Variants in FAM168A observed in about 807,000 individuals in gnomAD.
FAM168A encodes family with sequence similarity 168 member A, also known as protein FAM168A.
In FAM168A, 3 loss-of-function variants were observed where a neutral mutation model predicts 28.5. The ratio of observed to expected loss-of-function variants is 0.11; its 90% confidence interval spans 0.05 to 0.27. The LOEUF (loss-of-function observed/expected upper bound fraction) is 0.27, where lower values mean the gene tolerates loss of function less well. FAM168A is among the 10% of genes least tolerant of loss of function. The pLI, the probability that FAM168A is intolerant of heterozygous loss-of-function variation, is 1.00. For synonymous variants in FAM168A, 122 were observed against 124.2 expected (o/e 0.98, Z 0.12); for missense variants, 222 against 311.5 (o/e 0.71, Z 2.16).
intron 1 of FAM168A, among the ~76,000 whole-genome samples, chr11:73,544,972 TATATA>T (rs1400982824): frequency 9.1e-4 from 80 of 88,054 alleles, no homozygotes; most frequent in South Asian, 2.9e-3. Context: ...TAATATATAT[TATATA>T]ATATATTTTA....
chr11:73,537,063 T>TG (rs1943591731), intron 1 of FAM168A, among the ~76,000 whole-genome samples: 1 of 152,142 alleles, frequency 6.6e-6, no homozygotes, highest in African/African-American at 2.4e-5. Context: ...ACACAAAACA[T>TG]GGTGCTTGAG....
intron 1 of FAM168A, among the ~76,000 whole-genome samples, chr11:73,470,862 T>C (rs888639016): frequency 6.6e-6 from 1 of 152,246 alleles, no homozygotes; most frequent in African/African-American, 2.4e-5. Context: ...ACACTCTGTG[T>C]TGCTGATTGG....
At chr11:73,454,230 G>T (rs1867485905) in intron 2 of FAM168A, among the ~76,000 whole-genome samples, 1 of 152,170 alleles carries the variant, frequency 6.6e-6, no homozygotes, top group African/African-American at 2.4e-5. Context: ...CTAAGGGAAG[G>T]AGTCAGCCAG....
At chr11:73,464,901 C>CAT in intron 2 of FAM168A, among the ~76,000 whole-genome samples, 1 of 151,440 alleles carries the variant, frequency 6.6e-6, no homozygotes, top group Admixed American at 6.6e-5. Context: ...GATTGAGGCC[C>CAT]AGAAAGCTTG....
At chr11:73,512,117 CCTATGCTAGGTA>C (rs1394428479) in intron 1 of FAM168A, among the ~76,000 whole-genome samples, 2 of 152,096 alleles carry the variant, frequency 1.3e-5, no homozygotes, top group East Asian at 3.9e-4. Context: ...TGTGTCCAGT[CCTATGCTAGGTA>C]CTATATAAGG....
intron 1 of FAM168A, among the ~76,000 whole-genome samples, chr11:73,555,110 A>G (rs1013094853): frequency 6.6e-6 from 1 of 152,202 alleles, no homozygotes; most frequent in Non-Finnish European, 1.5e-5. Flanking sequence ...GAGCCTAGAG[A>G]ATAGAAACAG....
In FAM168A at chr11:73,430,762, T is replaced by C. The variant is rs972380072; in HGVS notation, c.79A>G (p.Thr27Ala). ...PKNMAYTGYP[T>A]AYPAAAPAYN... ...GCAGGGGCAGCTGCTGGATAGGCTGTGGGGTAACCTACAGAGAGATAAGAA... is the reference window on the plus strand; with the variant it reads ...GCAGGGGCAGCTGCTGGATAGGCTGCGGGGTAACCTACAGAGAGATAAGAA... The change falls in exon 3 of 8, where the codon ACA becomes GCA. Residue 27 changes from threonine (T) to alanine (A), a missense_variant. Around this residue, in one of 3 missense-constraint regions of FAM168A, gnomAD observed 153 missense variants for 189.2 expected, o/e 0.81. Transcript: ENST00000356467. 3.7e-6 allele frequency: 6 copies of C among 1,611,282 alleles called. No individual in the cohort carries two copies. The highest frequency in any genetic ancestry group is 1.7e-4 in the Middle Eastern group (1 of 6,048).
chr11:73,422,817 A>C (rs1172559093), intron 3 of FAM168A, among the ~76,000 whole-genome samples: 1 of 152,234 alleles, frequency 6.6e-6, no homozygotes, highest in Non-Finnish European at 1.5e-5. Context: ...AACCCTTGGC[A>C]GTGAAGGGCC....
At chr11:73,447,045 T>C (rs1443527435) in intron 2 of FAM168A, among the ~76,000 whole-genome samples, 1 of 152,194 alleles carries the variant, frequency 6.6e-6, no homozygotes, top group Non-Finnish European at 1.5e-5. Context: ...AACAACAACA[T>C]ACAGCTGTTC....
chr11:73,467,672 G>T (rs1472834933), intron 2 of FAM168A, among the ~76,000 whole-genome samples: 2 of 152,156 alleles, frequency 1.3e-5, no homozygotes, highest in Non-Finnish European at 2.9e-5. Context: ...AGCCCCACAG[G>T]GTTCCCTTGG....
intron 3 of FAM168A, among the ~76,000 whole-genome samples, chr11:73,424,763 C>A (rs1415692544): frequency 6.6e-6 from 1 of 152,162 alleles, no homozygotes; most frequent in East Asian, 1.9e-4. Context: ...AATTCGGCAG[C>A]CAGGTTAGGT....
chr11:73,427,692 A>G (rs1207976310), intron 3 of FAM168A, among the ~76,000 whole-genome samples: 1 of 152,242 alleles, frequency 6.6e-6, no homozygotes. Flanking sequence ...AGAACTTCAA[A>G]TAGTTCCTGA....
At chr11:73,553,417 A>G (rs572069047) in intron 1 of FAM168A, among the ~76,000 whole-genome samples, 2 of 152,262 alleles carry the variant, frequency 1.3e-5, no homozygotes, top group African/African-American at 4.8e-5. Flanking sequence ...AGGAATAAAG[A>G]CCTGATTTCA....
At chr11:73,530,435 A>C (rs1030920577) in intron 1 of FAM168A, among the ~76,000 whole-genome samples, 1 of 152,138 alleles carries the variant, frequency 6.6e-6, no homozygotes, top group Non-Finnish European at 1.5e-5. Context: ...ATCAGTGTGC[A>C]GGGGAATCTT....
chr11:73,503,984 A>G (rs1376218499), intron 1 of FAM168A, among the ~76,000 whole-genome samples: 1 of 152,220 alleles, frequency 6.6e-6, no homozygotes, highest in Non-Finnish European at 1.5e-5. Flanking sequence ...TCTTCCTTAC[A>G]TCTCATACAA....
chr11:73,436,125 G>C (rs1256828142), intron 2 of FAM168A, among the ~76,000 whole-genome samples: 1 of 152,128 alleles, frequency 6.6e-6, no homozygotes. Context: ...ATATCCTAAA[G>C]GCTGCAGTAG....
chr11:73,597,605 A>G (rs1247098885), intron 1 of FAM168A, among the ~76,000 whole-genome samples: 2 of 148,732 alleles, frequency 1.3e-5, no homozygotes. Context: ...CCCTAGTCTC[A>G]TCTTCCACCT....
intron 2 of FAM168A, among the ~76,000 whole-genome samples, chr11:73,434,897 GAC>G (rs1362348631): frequency 1.3e-5 from 2 of 152,224 alleles, no homozygotes; most frequent in Non-Finnish European, 2.9e-5. Flanking sequence ...GAAGAGACGT[GAC>G]ATCCCAAGAA....
At chr11:73,451,909 A>AT (rs1305388841) in intron 2 of FAM168A, 1 of 152,282 alleles carries the variant, frequency 6.6e-6, no homozygotes, top group Non-Finnish European at 1.5e-5. Flanking sequence ...CTTAGGCTTG[A>AT]TTCTGGCTTC....
Sources: allele counts gnomAD v4.1 joint callset (sites outside exome capture counted in the v4.1 genomes callset), GRCh38; gene constraint gnomAD v4.1.1; regional missense constraint gnomAD v4.1.1; transcripts MANE v1.5; gene names NCBI Gene and HGNC (gene_info 2026-07-23, HGNC 2026-07-21).